The following ADAMTS19 variants were observed in gnomAD, a reference collection of about 807,000 sequenced individuals.
The protein encoded by ADAMTS19 is ADAM metallopeptidase with thrombospondin type 1 motif 19, also known as A disintegrin and metalloproteinase with thrombospondin motifs 19.
A neutral mutation model predicts 153.3 loss-of-function variants in ADAMTS19; 93 were observed. The ratio of observed to expected loss-of-function variants is 0.61; its 90% confidence interval spans 0.51 to 0.72. The LOEUF is 0.72. Among genes scored for constraint, ADAMTS19 ranks in the 30% least tolerant of loss-of-function variants. The pLI, the probability that ADAMTS19 is intolerant of heterozygous loss-of-function variation, is 0.00. For missense variants in ADAMTS19, 1,482 were observed against 1,552.1 expected (o/e 0.95, Z 0.76); for synonymous variants, 600 against 556.6 (o/e 1.08, Z -1.10).
rs767368140 is a variant in ADAMTS19, at chr5:129,563,926, C to CTT, written c.1372+12029_1372+12030dup. 4.7e-5 allele frequency among the ~76,000 whole-genome samples: 7 copies of CTT among 148,842 alleles called. No individual in the cohort carries two copies. In the South Asian group the frequency reaches 8.6e-4, roughly 18 times the overall value. ...GACATGGAGATCTAACCAGGTGAAA[C>CTT]TTTTTTTTTTTGACACGTAGTATCT... On this transcript the variant is annotated intron_variant, in intron 7 of 22. Transcript: ENST00000274487.
intron 6 of ADAMTS19, among the ~76,000 whole-genome samples, chr5:129,532,799 T>C (rs1161083787): frequency 1.3e-5 from 2 of 152,100 alleles, no homozygotes; most frequent in African/African-American, 2.4e-5. Context: ...TGGATGAATA[T>C]GAATATCATT....
intron 19 of ADAMTS19, among the ~76,000 whole-genome samples, chr5:129,695,701 T>C (rs962324867): frequency 6.6e-6 from 1 of 152,098 alleles, no homozygotes; most frequent in African/African-American, 2.4e-5. Flanking sequence ...TCCTGAAAAC[T>C]TTTAGGGATG....
intron 21 of ADAMTS19, among the ~76,000 whole-genome samples, chr5:129,709,495 A>G (rs1440474131): frequency 1.3e-5 from 2 of 152,172 alleles, no homozygotes; most frequent in African/African-American, 4.8e-5. Context: ...AACTATAAGC[A>G]AATAAGTATT....
chr5:129,527,791 A>G lies in ADAMTS19; in HGVS notation c.1130A>G (p.Asn377Ser), dbSNP rs747786656. ...CACAAGAGTCTGAGTGTGCAGGTCA[A>G]TCTTCGTGTGATAAAGCTTATTCTG... Reference protein sequence around the residue: ...FQHKSLSVQVNLRVIKLILLH... With the variant: ...FQHKSLSVQVSLRVIKLILLH... Residue 377 changes from asparagine to serine, a missense_variant, in exon 5 of 23, where the codon AAT becomes AGT. This residue lies in a region of ADAMTS19 where 866 missense variants were observed against 827.7 expected (regional missense o/e 1.05). Coordinates refer to ENST00000274487, the MANE Select transcript of ADAMTS19 (RefSeq NM_133638.6). 48 of 1,602,308 alleles carry G rather than the reference A, an allele frequency of 3.0e-5. No homozygotes were observed. The highest frequency in any genetic ancestry group is 1.3e-4 in the South Asian group (12 of 90,072).
intron 15 of ADAMTS19, 133 bp downstream of exon 15, chr5:129,658,870 T>G: frequency 9.8e-7 from 1 of 1,025,304 alleles, no homozygotes; most frequent in Non-Finnish European, 1.3e-6. Context: ...ATTATTTTTG[T>G]GATGACATAC....
intron 8 of ADAMTS19, among the ~76,000 whole-genome samples, chr5:129,610,153 T>C (rs1366736639): frequency 6.6e-6 from 1 of 151,972 alleles, no homozygotes; most frequent in Non-Finnish European, 1.5e-5. Flanking sequence ...AGTTCTGATA[T>C]GTCTTACACA....
intron 3 of ADAMTS19, among the ~76,000 whole-genome samples, chr5:129,513,005 A>G (rs1010174860): frequency 2.3e-4 from 35 of 151,806 alleles, no homozygotes; most frequent in African/African-American, 8.4e-4. Context: ...AAGTGTCTCC[A>G]TTTCAATTTT....
rs3049499 is a variant in ADAMTS19, at chr5:129,662,888, A to ATTTTTTTT, written c.2426-2594_2426-2587dup. 7.4e-4 allele frequency among the ~76,000 whole-genome samples: 69 copies of ATTTTTTTT among 92,894 alleles called. 1 individual carries two copies. Among genetic ancestry groups the ATTTTTTTT allele is most frequent in the African/African-American group, 3.1e-3 (65 of 21,240 alleles). The allele number at this position is 92,894 out of a possible 152,430, so 60.9% of individuals were successfully genotyped here. A position where few individuals can be genotyped will look rare whatever the true frequency, so the allele number is the denominator to read the frequency against. On this transcript the variant is annotated intron_variant, in intron 15 of 22. Coordinates refer to ENST00000274487, the MANE Select transcript of ADAMTS19 (RefSeq NM_133638.6). ...CTCCTCCTTCTCATGATTCTTCTTC[A>ATTTTTTTT]TTTTTTTTTTTTTTTTTTTTTTTTG...
chr5:129,665,286 T>C (rs1203819351), intron 15 of ADAMTS19, among the ~76,000 whole-genome samples: 1 of 152,080 alleles, frequency 6.6e-6, no homozygotes, highest in Non-Finnish European at 1.5e-5. Context: ...TAAAAGTGCC[T>C]GTTTGTCCTC....
At chr5:129,490,601 A>T (rs1201230935) in intron 2 of ADAMTS19, among the ~76,000 whole-genome samples, 1 of 152,212 alleles carries the variant, frequency 6.6e-6, no homozygotes, top group African/African-American at 2.4e-5. Context: ...TGATACATCT[A>T]CTATCCTGCT....
Position 129,509,249 on chromosome 5 carries a change from G to T in ADAMTS19, c.913+7G>T. 6.2e-7 allele frequency: 1 copy of T among 1,605,014 alleles called. No homozygotes were observed. Among genetic ancestry groups the T allele is most frequent in the Non-Finnish European group, 8.5e-7 (1 of 1,175,856 alleles). ...TACTGTGGTATCATTTCAGGTAAAT[G>T]CCTTCTCCTGAAAGAGTTTTAAGTA... is the stretch of plus-strand genomic sequence containing the variant. On this transcript the variant is annotated splice_region_variant and intron_variant, in intron 3 of 22. Transcript: ENST00000274487.
chr5:129,537,677 C>CA (rs1359459168), intron 6 of ADAMTS19, among the ~76,000 whole-genome samples: 1 of 150,918 alleles, frequency 6.6e-6, no homozygotes, highest in South Asian at 2.1e-4. Context: ...ATGGCAAGGA[C>CA]AAAAAACCAA....
intron 21 of ADAMTS19, among the ~76,000 whole-genome samples, chr5:129,720,027 G>C (rs189623754): frequency 5.6e-4 from 85 of 152,020 alleles, no homozygotes; most frequent in Middle Eastern, 3.4e-3. Context: ...AACAGACGGA[G>C]ACTTCATCTT....
At chr5:129,704,478 A>G (rs1756055975) in intron 21 of ADAMTS19, 87 bp downstream of exon 21, 1 of 1,440,346 alleles carries the variant, frequency 6.9e-7, no homozygotes, top group African/African-American at 1.4e-5. Context: ...CATGGAGTTT[A>G]GGAGGGAAGG....
chr5:129,681,128 G>A (rs79617120), intron 17 of ADAMTS19, among the ~76,000 whole-genome samples: 229 of 152,296 alleles, frequency 1.5e-3, no homozygotes, highest in African/African-American at 5.5e-3. Context: ...CATGTGTGTT[G>A]CTAGTCTAGA....
intron 21 of ADAMTS19, among the ~76,000 whole-genome samples, chr5:129,714,395 C>T (rs1756622994): frequency 1.5e-5 from 2 of 130,300 alleles, no homozygotes; most frequent in Non-Finnish European, 3.1e-5. Context: ...GTCCGCAGTC[C>T]GGCCTGGGCG....
intron 8 of ADAMTS19, among the ~76,000 whole-genome samples, chr5:129,598,571 AT>A (rs1380441958): frequency 6.6e-6 from 1 of 152,226 alleles, no homozygotes; most frequent in African/African-American, 2.4e-5. Flanking sequence ...ATACCAATTG[AT>A]TTCTAATTTT....
chr5:129,682,244 C>G (rs1350538329), intron 17 of ADAMTS19, among the ~76,000 whole-genome samples: 6 of 152,160 alleles, frequency 3.9e-5, no homozygotes, highest in African/African-American at 1.4e-4. Flanking sequence ...CCAAGGGAAA[C>G]TGCACTTCTA....
intron 2 of ADAMTS19, among the ~76,000 whole-genome samples, chr5:129,474,117 A>G (rs1490667246): frequency 6.6e-6 from 1 of 151,906 alleles, no homozygotes; most frequent in East Asian, 1.9e-4. Context: ...GTGTCTCTAT[A>G]GATTTGTCTT....
Sources: gnomAD v4.1 joint callset for allele counts (sites outside exome capture counted in the v4.1 genomes callset) on GRCh38, gnomAD v4.1.1 for gene constraint, gnomAD v4.1.1 regional missense constraint, MANE v1.5 for transcripts, NCBI Gene and HGNC (gene_info 2026-07-23, HGNC 2026-07-21) for gene names.